NAV2: variants seen among roughly 807,000 people sequenced by gnomAD.
NAV2 encodes helicase, APC down-regulated 1.
In NAV2, 54 loss-of-function variants were observed where a neutral mutation model predicts 223.2. That is an observed-to-expected ratio of 0.24 (90% CI 0.19 to 0.30). The LOEUF is 0.30. Ranked by LOEUF, NAV2 falls within the 10% of genes least tolerant of loss-of-function variation. The pLI is 1.00. For missense variants in NAV2, 2,806 were observed against 3,147.5 expected (o/e 0.89, Z 2.60); for synonymous variants, 1,279 against 1,239.3 (o/e 1.03, Z -0.67).
intron 1 of NAV2, among the ~76,000 whole-genome samples, chr11:19,765,783 G>C (rs12791210): frequency 0.061 from 9,262 of 152,150 alleles, 402 homozygotes; most frequent in Non-Finnish European, 0.092. Context: ...CTTCCATGTG[G>C]CTTGCTTCCT....
chr11:19,445,405 A>G (rs1175752925), intron 1 of NAV2, among the ~76,000 whole-genome samples: 1 of 152,208 alleles, frequency 6.6e-6, no homozygotes, highest in Non-Finnish European at 1.5e-5. Context: ...GGGAGGCACC[A>G]GGCATGGGAC....
At chr11:20,013,610 T>C (rs1400243107) in intron 11 of NAV2, among the ~76,000 whole-genome samples, 2 of 152,194 alleles carry the variant, frequency 1.3e-5, no homozygotes, top group Non-Finnish European at 2.9e-5. Flanking sequence ...AGAACAGGTT[T>C]TCTTACAAGA....
chr11:19,726,551 T>G (rs1467217840), intron 1 of NAV2, among the ~76,000 whole-genome samples: 2 of 152,214 alleles, frequency 1.3e-5, no homozygotes, highest in African/African-American at 4.8e-5. Context: ...AGAGGTGCCT[T>G]TCCTGAGTTT....
chr11:19,394,456 C>T (rs1849371095), intron 1 of NAV2, among the ~76,000 whole-genome samples: 1 of 152,202 alleles, frequency 6.6e-6, no homozygotes, highest in Admixed American at 6.5e-5. Context: ...CCATGCTAGA[C>T]TCTGGGCGCA....
chr11:19,880,180 C>G (rs958524240), intron 5 of NAV2, 53 bp downstream of exon 5: 1 of 1,496,066 alleles, frequency 6.7e-7, no homozygotes, highest in Non-Finnish European at 8.9e-7. Context: ...CTTCCTCCAC[C>G]CCAACCAATC....
At chr11:19,892,333 G>A in intron 5 of NAV2, 101 bp from the exon 6 acceptor site, 1 of 1,148,984 alleles carries the variant, frequency 8.7e-7, no homozygotes, top group Non-Finnish European at 1.2e-6. Context: ...ACAATGTCTT[G>A]GATAGTTTCT....
intron 1 of NAV2, chr11:19,507,075 T>C (rs1281004099): frequency 1.3e-5 from 2 of 152,204 alleles, no homozygotes; most frequent in Non-Finnish European, 2.9e-5. Flanking sequence ...TCTGCCTAAA[T>C]GTGCCTGGCT....
At chr11:20,001,134 G>A (rs955692755) in intron 11 of NAV2, among the ~76,000 whole-genome samples, 5 of 152,058 alleles carry the variant, frequency 3.3e-5, no homozygotes, top group Admixed American at 6.5e-5. Context: ...TCTCTAGCAC[G>A]CTCCGGGGTA....
intron 10 of NAV2, among the ~76,000 whole-genome samples, chr11:19,958,866 G>T (rs1226746185): frequency 1.3e-5 from 2 of 152,224 alleles, no homozygotes; most frequent in East Asian, 1.9e-4. Flanking sequence ...GATGGAGGTT[G>T]GGAGGCAGTG....
chr11:19,603,981 T>A (rs908990438), intron 1 of NAV2, among the ~76,000 whole-genome samples: 2 of 152,080 alleles, frequency 1.3e-5, no homozygotes, highest in Admixed American at 1.3e-4. Flanking sequence ...GGCAGAAGCA[T>A]GCTGGGCATG....
intron 1 of NAV2, among the ~76,000 whole-genome samples, chr11:19,392,956 AT>A (rs1365472916): frequency 6.6e-6 from 1 of 152,146 alleles, no homozygotes; most frequent in Non-Finnish European, 1.5e-5. Context: ...CAGAGCAGGG[AT>A]TTGAACTTGC....
At chr11:19,956,719 GCTCT>G (rs974348199) in intron 10 of NAV2, among the ~76,000 whole-genome samples, 3 of 152,172 alleles carry the variant, frequency 2.0e-5, no homozygotes, top group Non-Finnish European at 4.4e-5. Context: ...CACCCTGGAA[GCTCT>G]CTGAGTCCCA....
At chr11:19,360,474 A>T (rs1853869455) in intron 1 of NAV2, among the ~76,000 whole-genome samples, 1 of 152,224 alleles carries the variant, frequency 6.6e-6, no homozygotes, top group Non-Finnish European at 1.5e-5. Context: ...TTATTGCAAT[A>T]GTCTCACATA....
At chr11:19,393,108 G>T (rs1469089885) in intron 1 of NAV2, among the ~76,000 whole-genome samples, 1 of 152,174 alleles carries the variant, frequency 6.6e-6, no homozygotes, top group Non-Finnish European at 1.5e-5. Context: ...TCTAACCCCT[G>T]CAGCCTAAAG....
At chr11:20,097,873 C>T (rs2061384013) in intron 31 of NAV2, 128 bp downstream of exon 31, 1 of 773,426 alleles carries the variant, frequency 1.3e-6, no homozygotes, top group Admixed American at 2.9e-5. Flanking sequence ...CTCCCTTCTA[C>T]CACAGTTACT....
At position 19,948,789 on chromosome 11, in the gene NAV2, T is replaced by C. The variant is rs748406164; in HGVS notation, c.2354T>C (p.Leu785Pro). The change falls in exon 10 of 38, where the codon CTG becomes CCG. Residue 785 changes from leucine to proline, a missense_variant. Coordinates refer to ENST00000349880, the MANE Select transcript of NAV2 (RefSeq NM_145117.5). ...TGRPTPLSWR[L>P]GQSSPRLQAG... ...AGGCCCACACCTCTGTCCTGGAGAC[T>C]GGGCCAGTCCAGCCCTCGGCTCCAA... 6.8e-6 allele frequency: 11 copies of C among 1,613,946 alleles called. No individual in the cohort carries two copies. The highest frequency in any genetic ancestry group is 8.5e-6 in the Non-Finnish European group (10 of 1,180,014).
intron 1 of NAV2, among the ~76,000 whole-genome samples, chr11:19,765,912 C>T (rs970964698): frequency 7.2e-5 from 11 of 152,128 alleles, no homozygotes; most frequent in Non-Finnish European, 1.5e-4. Flanking sequence ...TGGCTTCTCT[C>T]TCTAGGACTT....
At position 20,022,770 on chromosome 11, in the gene NAV2, A is replaced by AG. The variant is rs1591702501; in HGVS notation, c.2769-13186dup. 3.5e-6 allele frequency: 4 copies of AG among 1,132,110 alleles called. No homozygotes were observed. The East Asian group carries it at 1.4e-4, about 41-fold the overall frequency. 70.1% of individuals were successfully genotyped at this position (1,132,110 alleles called of 1,614,324 possible). ...TGCAAACTCCCCTGGGACCACATGG[A>AG]GGGCCCTTCCATTCAGTGCTTTACG... On this transcript the variant is annotated intron_variant, in intron 11 of 37. Transcript: ENST00000349880.
At chr11:19,380,734 C>T (rs1848810087) in intron 1 of NAV2, 1 of 152,270 alleles carries the variant, frequency 6.6e-6, no homozygotes, top group African/African-American at 2.4e-5. Context: ...TGCTTCTCTG[C>T]TATGGTCTTC....
Sources: gnomAD v4.1 joint callset for allele counts (sites outside exome capture counted in the v4.1 genomes callset) on GRCh38, gnomAD v4.1.1 for gene constraint, MANE v1.5 for transcripts, NCBI Gene and HGNC (gene_info 2026-07-23, HGNC 2026-07-21) for gene names.